The following SLC17A9 variants were observed in gnomAD, a reference collection of about 807,000 sequenced individuals.
SLC17A9 encodes the protein solute carrier family 17 member 9.
In SLC17A9, 49 loss-of-function variants were observed where a neutral mutation model predicts 55.0. That is an observed-to-expected ratio of 0.89 (90% CI 0.71 to 1.13). SLC17A9 has a LOEUF of 1.13. Ranked by LOEUF, SLC17A9 falls within the 50% of genes most tolerant of loss-of-function variation. The pLI is 0.00. For missense variants in SLC17A9, 526 were observed against 569.3 expected (o/e 0.92, Z 0.77); for synonymous variants, 256 against 247.4 (o/e 1.03, Z -0.32).
rs117746123 is a variant in SLC17A9, at chr20:62,957,992, G to A, written c.397+412G>A. Among the ~76,000 whole-genome samples, 354 of 152,278 alleles carry A rather than the reference G, an allele frequency of 2.3e-3. 4 individuals are homozygous for A. The East Asian group carries it at 0.032, about 14-fold the overall frequency. On this transcript the variant is annotated intron_variant, in intron 3 of 12. Coordinates refer to ENST00000370351, the MANE Select transcript of SLC17A9 (RefSeq NM_022082.4). ...TGTATGTTTGTGCTTGTGCGTGTGCGTACGTATGTGTGCATGCACATGTGT... is the reference window on the plus strand; with the variant it reads ...TGTATGTTTGTGCTTGTGCGTGTGCATACGTATGTGTGCATGCACATGTGT...
At chr20:62,955,187 G>A (rs1039528688) in intron 1 of SLC17A9, among the ~76,000 whole-genome samples, 4 of 149,712 alleles carry the variant, frequency 2.7e-5, no homozygotes, top group South Asian at 2.1e-4. Context: ...TCACTCTGTC[G>A]CCCAGGCTGG....
intron 8 of SLC17A9, 155 bp from the exon 9 acceptor site, chr20:62,964,977 T>TGCACACGTTTTTGCCTGCA: frequency 1.3e-6 from 1 of 797,464 alleles, no homozygotes; most frequent in African/African-American, 1.7e-5. Context: ...CATGCGTGTG[T>TGCACACGTTTTTGCCTGCA]GCACACGTTT....
Position 62,962,785 on chromosome 20 carries a change from C to A in SLC17A9, c.628+31C>A, listed in dbSNP as rs374907907. The A allele has an allele frequency of 2.5e-6, 4 of 1,609,824 alleles. No individual in the cohort carries two copies. The African/African-American group carries it at 4.0e-5, about 16-fold the overall frequency. On this transcript the variant is annotated intron_variant, in intron 5 of 12. Coordinates refer to ENST00000370351, the MANE Select transcript of SLC17A9 (RefSeq NM_022082.4). The surrounding 1 kb of genome is among the most constrained non-coding windows in gnomAD (Gnocchi z 5.5). Reference sequence around the variant, plus strand: ...GCAGGCCGGGCGGGCTAGTCCCGGGCGCCCACAGCTGCCCAGTGCCTCCTC... The same window carrying A: ...GCAGGCCGGGCGGGCTAGTCCCGGGAGCCCACAGCTGCCCAGTGCCTCCTC...
Position 62,958,911 on chromosome 20 carries a change from G to A in SLC17A9, c.397+1331G>A, listed in dbSNP as rs999319057. ...ACCCTCAGAAGAGGGTGCAGCGAGT[G>A]CAACTGAGGACTTAGGATTGTGTGT... On this transcript the variant is annotated intron_variant, in intron 3 of 12. Coordinates refer to ENST00000370351, the MANE Select transcript of SLC17A9 (RefSeq NM_022082.4). The surrounding 1 kb of genome is among the most constrained non-coding windows in gnomAD (Gnocchi z 4.1). Among the ~76,000 whole-genome samples, 2 of 152,180 alleles carry A rather than the reference G, an allele frequency of 1.3e-5. No individual in the cohort carries two copies. The highest frequency in any genetic ancestry group is 2.1e-4 in the South Asian group (1 of 4,834).
In SLC17A9 at chr20:62,965,127, T is replaced by G; in HGVS notation, c.911-5T>G. On this transcript the variant is annotated splice_polypyrimidine_tract_variant and splice_region_variant and intron_variant, in intron 8 of 12. Coordinates refer to ENST00000370351, the MANE Select transcript of SLC17A9 (RefSeq NM_022082.4). The stretch of plus-strand genomic sequence containing the variant: ...GGGAGCCCCTTCCTTGGCCTCCCCC[T>G]GTAGGTTACAGAGCCATCACGGTGC... 6.2e-7 allele frequency: 1 copy of G among 1,614,076 alleles called. No individual in the cohort carries two copies. Among genetic ancestry groups the G allele is most frequent in the Non-Finnish European group, 8.5e-7 (1 of 1,180,012 alleles).
chr20:62,959,772 G>T (rs2065573524), intron 3 of SLC17A9, among the ~76,000 whole-genome samples: 1 of 152,258 alleles, frequency 6.6e-6, no homozygotes, highest in Non-Finnish European at 1.5e-5. Context: ...CCCCCCTGCA[G>T]GGTAGCATCA....
In SLC17A9 at chr20:62,966,712, A is replaced by G. The variant is rs1348378335; in HGVS notation, c.1127A>G (p.Asn376Ser). The change falls in exon 12 of 13, where the codon AAC (asparagine) becomes AGC (serine). Residue 376 changes from asparagine to serine, a missense_variant. By Grantham distance (46) the Asn-to-Ser change is conservative (BLOSUM62 1). Coordinates refer to ENST00000370351, the MANE Select transcript of SLC17A9 (RefSeq NM_022082.4). ...TCTGGCCTCTTCACAGGTGTGGCCA[A>G]CACAGCCGGGGCCTTGGCAGGTGAG... ...SCAGFLFGVA[N>S]TAGALAGVVG... 1 of 1,612,718 alleles carries G rather than the reference A, an allele frequency of 6.2e-7. No individual in the cohort carries two copies. The highest frequency in any genetic ancestry group is 8.5e-7 in the Non-Finnish European group (1 of 1,179,586).
intron 8 of SLC17A9, 200 bp from the exon 9 acceptor site, chr20:62,964,932 C>G: frequency 1.7e-6 from 1 of 601,134 alleles, no homozygotes; most frequent in Non-Finnish European, 2.9e-6. Flanking sequence ...GGGAACCTTC[C>G]AAAGGCGCAC....
chr20:62,966,860 A>C, intron 12 of SLC17A9, 128 bp downstream of exon 12: 1 of 1,214,590 alleles, frequency 8.2e-7, no homozygotes, highest in Non-Finnish European at 1.1e-6. Flanking sequence ...CACAGACCCC[A>C]GAGCAGGCCC....
chr20:62,963,986 T>A, intron 7 of SLC17A9: 1 of 602,148 alleles, frequency 1.7e-6, no homozygotes, highest in Non-Finnish European at 2.9e-6. Context: ...AGGAGGCCGG[T>A]GCAGAAGCCG....
Position 62,965,181 on chromosome 20 carries a change from C to A in SLC17A9, c.945+15C>A. Reference sequence around the variant, plus strand: ...AGCTCATGCAGGTAGGAGAATCATTCCGGTCGTTCTCTCTGGATATCCCTG... The same window carrying A: ...AGCTCATGCAGGTAGGAGAATCATTACGGTCGTTCTCTCTGGATATCCCTG... On this transcript the variant is annotated intron_variant, in intron 9 of 12. Coordinates refer to ENST00000370351, the MANE Select transcript of SLC17A9 (RefSeq NM_022082.4). 6.2e-7 allele frequency: 1 copy of A among 1,614,134 alleles called. No individual in the cohort carries two copies. Among genetic ancestry groups the A allele is most frequent in the Non-Finnish European group, 8.5e-7 (1 of 1,180,018 alleles).
chr20:62,956,671 T>G, intron 1 of SLC17A9, 94 bp from the exon 2 acceptor site: 1 of 1,190,048 alleles, frequency 8.4e-7, no homozygotes, highest in Non-Finnish European at 1.2e-6. Context: ...TCACAGTCCA[T>G]GTCCCCCAGC....
chr20:62,960,793 G>A (rs2065583086), intron 4 of SLC17A9, among the ~76,000 whole-genome samples, 190 bp downstream of exon 4: 1 of 152,388 alleles, frequency 6.6e-6, no homozygotes, highest in East Asian at 1.9e-4. Context: ...CGGGCACCGC[G>A]CTTGCTTTGT....
chr20:62,953,540 C>T (rs567916598), intron 1 of SLC17A9, among the ~76,000 whole-genome samples: 2 of 152,360 alleles, frequency 1.3e-5, no homozygotes, highest in African/African-American at 4.8e-5. Flanking sequence ...CAGGGAGCTC[C>T]TGAGAGCAGC....
chr20:62,967,238 C>A, intron 12 of SLC17A9, 99 bp from the exon 13 acceptor site: 12 of 1,437,734 alleles, frequency 8.3e-6, no homozygotes, highest in South Asian at 1.3e-5. Context: ...AGGCGCTAGA[C>A]CCCCAGCCCT....
chr20:62,957,021 G>C, intron 2 of SLC17A9, 59 bp downstream of exon 2: 6 of 1,604,052 alleles, frequency 3.7e-6, no homozygotes, highest in Non-Finnish European at 5.1e-6. Context: ...GGGGCCTCCA[G>C]GGGCGAGTGG....
rs2065664121 is a variant in SLC17A9 at position 62,969,294 on chromosome 20, T to C, written c.*1794T>C. 1 of 152,264 alleles carries C rather than the reference T, an allele frequency of 6.6e-6. No individual in the cohort carries two copies. The highest frequency in any genetic ancestry group is 1.5e-5 in the Non-Finnish European group (1 of 68,062). The allele number at this position is 152,264 out of a possible 1,614,324, so 9.4% of individuals were successfully genotyped here. A position where few individuals can be genotyped will look rare whatever the true frequency, so the allele number is the denominator to read the frequency against. On this transcript the variant is annotated 3_prime_UTR_variant, in exon 13 of 13. Transcript: ENST00000370351. ...TGTGGCATTAGGTACATTCGCATTGTGCAGCCACCGCCACCCTCCGCCTTC... is the reference window on the plus strand; with the variant it reads ...TGTGGCATTAGGTACATTCGCATTGCGCAGCCACCGCCACCCTCCGCCTTC...
intron 1 of SLC17A9, 89 bp from the exon 2 acceptor site, chr20:62,956,676 C>G (rs1293969602): frequency 2.4e-6 from 3 of 1,263,740 alleles, no homozygotes; most frequent in Non-Finnish European, 3.3e-6. Flanking sequence ...GTCCATGTCC[C>G]CCAGCCCTGA....
At chr20:62,964,924 G>A (rs1230823744) in intron 8 of SLC17A9, 2 of 582,610 alleles carry the variant, frequency 3.4e-6, no homozygotes, top group Non-Finnish European at 6.1e-6. Context: ...CACGCCTTGG[G>A]AACCTTCCAA....
Sources: gnomAD v4.1 joint callset for allele counts (sites outside exome capture counted in the v4.1 genomes callset) on GRCh38, gnomAD v4.1.1 for gene constraint, Gnocchi (gnomAD v3.1) non-coding constraint, MANE v1.5 for transcripts, NCBI Gene and HGNC (gene_info 2026-07-23, HGNC 2026-07-21) for gene names.